The following DNAAF9 variants were observed in gnomAD, a reference collection of about 807,000 sequenced individuals.
The protein encoded by DNAAF9 is shulin.
A neutral mutation model predicts 167.0 loss-of-function variants in DNAAF9; 90 were observed. The observed-to-expected ratio is 0.54, with a 90% CI of 0.45 to 0.64. The LOEUF is 0.64. DNAAF9 is among the 30% of genes least tolerant of loss of function. The pLI is 0.00. For synonymous variants in DNAAF9, 491 were observed against 508.8 expected (o/e 0.96, Z 0.47); for missense variants, 1,315 against 1,442.2 (o/e 0.91, Z 1.43).
chr20:3,385,487 A>C (rs1160738300), intron 1 of DNAAF9, among the ~76,000 whole-genome samples: 1 of 152,006 alleles, frequency 6.6e-6, no homozygotes, highest in Non-Finnish European at 1.5e-5. Context: ...GTGTGATCAT[A>C]GCTCACTGCA....
At chr20:3,327,445 C>A (rs1351896309) in intron 12 of DNAAF9, among the ~76,000 whole-genome samples, 2 of 152,108 alleles carry the variant, frequency 1.3e-5, no homozygotes, top group African/African-American at 4.8e-5. Context: ...GAGGTGCAGG[C>A]TCTTCTTAGG....
intron 1 of DNAAF9, 73 bp downstream of exon 1, chr20:3,407,402 G>A (rs1262473660): frequency 1.7e-6 from 2 of 1,160,612 alleles, no homozygotes; most frequent in Non-Finnish European, 1.1e-6. Flanking sequence ...GCCCTGCGGC[G>A]GGAGGCGTCG....
intron 16 of DNAAF9, 100 bp from the exon 17 acceptor site, chr20:3,318,500 A>T: frequency 3.0e-6 from 2 of 662,442 alleles, no homozygotes; most frequent in Non-Finnish European, 5.5e-6. Context: ...GGAACATGGC[A>T]AAAGAGTACT....
At chr20:3,362,734 C>T (rs905215097) in intron 6 of DNAAF9, among the ~76,000 whole-genome samples, 1 of 152,170 alleles carries the variant, frequency 6.6e-6, no homozygotes, top group Non-Finnish European at 1.5e-5. Context: ...GACAAATTCA[C>T]CCCGACTGAG....
In DNAAF9 at chr20:3,375,128, T is replaced by C. The variant is rs748650510; in HGVS notation, c.409-2A>G. On this transcript the variant is annotated splice_acceptor_variant, in intron 4 of 36. Transcript: ENST00000252032. LOFTEE classifies it high-confidence loss of function. ...TTCTGCGGCTTCTTCATCTTCATACTGAAGAGACAAATCAAAAGAAAAATA... is the reference window on the plus strand; with the variant it reads ...TTCTGCGGCTTCTTCATCTTCATACCGAAGAGACAAATCAAAAGAAAAATA... The C allele has an allele frequency of 6.4e-7, 1 of 1,563,980 alleles. No individual in the cohort carries two copies. Among genetic ancestry groups the C allele is most frequent in the Non-Finnish European group, 8.8e-7 (1 of 1,134,920 alleles).
At chr20:3,300,717 TAATAATAATAA>T (rs1481081676) in intron 21 of DNAAF9, among the ~76,000 whole-genome samples, 1 of 144,628 alleles carries the variant, frequency 6.9e-6, no homozygotes, top group Non-Finnish European at 1.5e-5. Context: ...ATAATAATAA[TAATAATAATAA>T]TTTTTTGTAG....
intron 7 of DNAAF9, among the ~76,000 whole-genome samples, chr20:3,349,331 G>A (rs1366423965): frequency 6.6e-6 from 1 of 152,040 alleles, no homozygotes; most frequent in Non-Finnish European, 1.5e-5. Flanking sequence ...GGAGTGAACT[G>A]GGATTGTGCT....
intron 10 of DNAAF9, among the ~76,000 whole-genome samples, chr20:3,336,596 C>T (rs1305010296): frequency 1.3e-5 from 2 of 152,068 alleles, no homozygotes; most frequent in Non-Finnish European, 2.9e-5. Flanking sequence ...CTCTCCCAGG[C>T]TAGAGTGCAA....
intron 7 of DNAAF9, among the ~76,000 whole-genome samples, chr20:3,358,387 G>A (rs1488358080): frequency 1.3e-5 from 2 of 152,004 alleles, no homozygotes; most frequent in South Asian, 2.1e-4. Flanking sequence ...GGATTCAAGC[G>A]ATTCTCCTGC....
At chr20:3,373,960 G>C in intron 6 of DNAAF9, 88 bp downstream of exon 6, 1 of 784,262 alleles carries the variant, frequency 1.3e-6, no homozygotes, top group Non-Finnish European at 2.2e-6. Flanking sequence ...CAGCTTTTTG[G>C]TGTTATAATA....
intron 8 of DNAAF9, 65 bp downstream of exon 8, chr20:3,348,459 TA>T: frequency 1.1e-6 from 1 of 873,242 alleles, no homozygotes; most frequent in Non-Finnish European, 1.7e-6. Flanking sequence ...AAAAATTTAA[TA>T]AAAAATTAAA....
intron 1 of DNAAF9, among the ~76,000 whole-genome samples, chr20:3,405,227 G>T (rs1246020410): frequency 1.3e-5 from 2 of 152,190 alleles, no homozygotes; most frequent in African/African-American, 4.8e-5. Flanking sequence ...CTCATTCTGA[G>T]TAACAATATT....
intron 10 of DNAAF9, among the ~76,000 whole-genome samples, chr20:3,338,050 T>C (rs1010147136): frequency 9.4e-5 from 14 of 148,506 alleles, no homozygotes; most frequent in Non-Finnish European, 1.6e-4. Flanking sequence ...ATATAATATA[T>C]GCACACATAC....
Position 3,315,913 on chromosome 20 carries a change from T to C in DNAAF9, c.1540-128A>G, listed in dbSNP as rs1200274113. On this transcript the variant is annotated intron_variant, in intron 18 of 36. Transcript: ENST00000252032. This position sits in a 1 kb window ranked among gnomAD's most constrained non-coding sequence, Gnocchi z 4.1. ...GTCCTTCCACCATGTCCATGTCCAGTGCTCTCAGGCCCTGACACACCTGAG... is the reference window on the plus strand; with the variant it reads ...GTCCTTCCACCATGTCCATGTCCAGCGCTCTCAGGCCCTGACACACCTGAG... 6.4e-6 allele frequency: 5 copies of C among 779,322 alleles called. No homozygotes were observed. Among genetic ancestry groups the C allele is most frequent in the Non-Finnish European group, 1.1e-5 (5 of 437,006 alleles). 48.3% of individuals were successfully genotyped at this position (779,322 alleles called of 1,614,324 possible).
chr20:3,265,352 G>C (rs566768474), intron 30 of DNAAF9, among the ~76,000 whole-genome samples: 5 of 151,796 alleles, frequency 3.3e-5, no homozygotes, highest in African/African-American at 9.7e-5. Flanking sequence ...ATCACCTGGG[G>C]TCAGGAGTTC....
In DNAAF9 at chr20:3,286,119, A is replaced by G. The variant is rs1675030347; in HGVS notation, c.2486+1513T>C. Among the ~76,000 whole-genome samples, 4 of 152,266 alleles carry G rather than the reference A, an allele frequency of 2.6e-5. No homozygotes were observed. In the South Asian group the frequency reaches 8.3e-4, roughly 31 times the overall value. ...AAGGCCCAGCCCCAAGATGATGGACATGCTATAAAGGAGGGTGCTACATGG... is the reference window on the plus strand; with the variant it reads ...AAGGCCCAGCCCCAAGATGATGGACGTGCTATAAAGGAGGGTGCTACATGG... On this transcript the variant is annotated intron_variant, in intron 27 of 36. Coordinates refer to ENST00000252032, the MANE Select transcript of DNAAF9 (RefSeq NM_001009984.3).
At chr20:3,354,125 C>T (rs1160451961) in intron 7 of DNAAF9, among the ~76,000 whole-genome samples, 9 of 152,132 alleles carry the variant, frequency 5.9e-5, no homozygotes, top group African/African-American at 1.9e-4. Context: ...AGGCACCAGG[C>T]AATAAAGTGA....
chr20:3,268,310 C>T (rs2068524757), intron 30 of DNAAF9, among the ~76,000 whole-genome samples: 1 of 151,194 alleles, frequency 6.6e-6, no homozygotes, highest in Non-Finnish European at 1.5e-5. Flanking sequence ...GTTGGGATTA[C>T]AGGCATGAAT....
At chr20:3,374,339 G>C (rs572645416) in intron 5 of DNAAF9, among the ~76,000 whole-genome samples, 185 bp from the exon 6 acceptor site, 4 of 152,254 alleles carry the variant, frequency 2.6e-5, no homozygotes, top group Admixed American at 2.6e-4. Context: ...TGAAAGTCAA[G>C]GAAAATTCAA....
Sources: gnomAD v4.1 joint callset for allele counts (sites outside exome capture counted in the v4.1 genomes callset) on GRCh38, gnomAD v4.1.1 for gene constraint, Gnocchi (gnomAD v3.1) non-coding constraint, MANE v1.5 for transcripts, NCBI Gene and HGNC (gene_info 2026-07-23, HGNC 2026-07-21) for gene names.